The following SLITRK5 variants were observed in gnomAD, a reference collection of about 807,000 sequenced individuals.
The protein encoded by SLITRK5 is SLIT and NTRK-like protein 5.
A neutral mutation model predicts 56.2 loss-of-function variants in SLITRK5; 23 were observed. The ratio of observed to expected loss-of-function variants is 0.41; its 90% CI spans 0.29 to 0.58. The LOEUF (loss-of-function observed/expected upper bound fraction) is 0.58. SLITRK5 is among the 20% of genes least tolerant of loss of function. The pLI, the probability that SLITRK5 is intolerant of heterozygous loss-of-function variation, is 0.30. For missense variants in SLITRK5, 1,289 were observed against 1,226.6 expected (o/e 1.05, Z -0.76); for synonymous variants, 637 against 531.8 (o/e 1.20, Z -2.72).
rs1394439179 is a variant in SLITRK5 at position 87,672,202 on chromosome 13, T to C, written c.-16T>C. Among the ~76,000 whole-genome samples the C allele has an allele frequency of 6.6e-6, 1 of 151,826 alleles. No individual in the cohort carries two copies. Among genetic ancestry groups the C allele is most frequent in the Non-Finnish European group, 1.5e-5 (1 of 67,916 alleles). Reference sequence around the variant, plus strand: ...CGGAGAAAGTTGCCCCCTATGCAGATGGCAACTGTGAGTACCCCTGTGGGG... The same window carrying C: ...CGGAGAAAGTTGCCCCCTATGCAGACGGCAACTGTGAGTACCCCTGTGGGG... On this transcript the variant is annotated 5_prime_UTR_variant, in exon 1 of 2. An upstream start codon of the reference 5' UTR is lost. Coordinates refer to ENST00000683689, the MANE Select transcript of SLITRK5 (RefSeq NM_001384609.1).
chr13:87,675,238 G>A, intron 1 of SLITRK5, 143 bp from the exon 2 acceptor site: 4 of 614,966 alleles, frequency 6.5e-6, no homozygotes, highest in Non-Finnish European at 1.2e-5. Context: ...GAATGTCAAT[G>A]TTTCACTTGG....
intron 1 of SLITRK5, 35 bp from the exon 2 acceptor site, chr13:87,675,346 T>G: frequency 6.6e-7 from 1 of 1,512,938 alleles, no homozygotes; most frequent in Non-Finnish European, 9.1e-7. Context: ...TTTTGTCATA[T>G]TCTGTTATTT....
In SLITRK5 at chr13:87,676,708, G is replaced by T; in HGVS notation, c.1320G>T (p.Leu440=). Residue 440 remains leucine, a synonymous_variant, in exon 2 of 2, where the codon CTG becomes CTT. Transcript: ENST00000683689. The stretch of plus-strand genomic sequence containing the variant: ...CCACGGGGCTGGACCTCCTGCACCT[G>T]GGGAATAACCGCATCTCGATGATCC... ...LEATGLDLLH[L]GNNRISMIQD... The T allele has an allele frequency of 6.2e-7, 1 of 1,614,052 alleles. No individual in the cohort carries two copies.
intron 1 of SLITRK5, among the ~76,000 whole-genome samples, chr13:87,675,170 T>TA (rs1277324066): frequency 1.3e-5 from 2 of 152,154 alleles, no homozygotes; most frequent in Admixed American, 6.5e-5. Context: ...TGTGCTCATT[T>TA]AAAAAAATTA....
At chr13:87,672,479 T>C (rs1168991866) in intron 1 of SLITRK5, 1 of 122,756 alleles carries the variant, frequency 8.1e-6, no homozygotes, top group African/African-American at 3.1e-5. Context: ...GAGGCGCCTC[T>C]CCAGCCGGAC....
intron 1 of SLITRK5, among the ~76,000 whole-genome samples, chr13:87,673,949 T>A (rs1444512291): frequency 6.6e-6 from 1 of 151,950 alleles, no homozygotes; most frequent in East Asian, 1.9e-4. Context: ...GTCCAGCATT[T>A]CTATCAAATG....
intron 1 of SLITRK5, among the ~76,000 whole-genome samples, chr13:87,674,137 A>C (rs71442183): frequency 6.6e-6 from 1 of 151,344 alleles, no homozygotes; most frequent in African/African-American, 2.4e-5. Flanking sequence ...GAGAGCAAGA[A>C]AAAAAAGGGG....
chr13:87,675,063 A>G (rs1211886207), intron 1 of SLITRK5, among the ~76,000 whole-genome samples: 1 of 151,284 alleles, frequency 6.6e-6, no homozygotes, highest in Non-Finnish European at 1.5e-5. Flanking sequence ...TTTTATGTAT[A>G]TTTATGGATT....
rs1877230223 is a variant in SLITRK5 at position 87,675,476 on chromosome 13, G to A, written c.88G>A (p.Val30Ile). The A allele has an allele frequency of 6.2e-7, 1 of 1,614,082 alleles. No individual in the cohort carries two copies. Among genetic ancestry groups the A allele is most frequent in the Non-Finnish European group, 8.5e-7 (1 of 1,180,040 alleles). The change falls in exon 2 of 2, where the codon GTA becomes ATA. Residue 30 changes from valine to isoleucine, a missense_variant. By Grantham distance (29) the Val-to-Ile change is conservative. Around this residue, in one of 3 missense-constraint regions of SLITRK5, gnomAD observed 291 missense variants for 286.7 expected, o/e 1.02. Coordinates refer to ENST00000683689, the MANE Select transcript of SLITRK5 (RefSeq NM_001384609.1). The part of the protein sequence containing the change: ...SWMLQTLAFA[V>I]TSLVLSCAET... The stretch of plus-strand genomic sequence containing the variant: ...GATGCTGCAGACTCTAGCGTTTGCT[G>A]TAACATCTCTCGTCCTTTCGTGTGC...
chr13:87,672,238 A>T (rs1362710337), intron 1 of SLITRK5, among the ~76,000 whole-genome samples, 29 bp downstream of exon 1: 2 of 152,024 alleles, frequency 1.3e-5, no homozygotes, highest in Non-Finnish European at 2.9e-5. Context: ...GGGAGGGTGC[A>T]GCGAAGGCTG....
At chr13:87,675,195 C>T (rs1050576216) in intron 1 of SLITRK5, among the ~76,000 whole-genome samples, 186 bp from the exon 2 acceptor site, 2 of 152,020 alleles carry the variant, frequency 1.3e-5, no homozygotes, top group Non-Finnish European at 2.9e-5. Flanking sequence ...ACCTTTAAAT[C>T]AAAATGTATA....
chr13:87,673,481 TG>T, intron 1 of SLITRK5: 3 of 495,670 alleles, frequency 6.1e-6, no homozygotes, highest in Non-Finnish European at 9.1e-6. Flanking sequence ...GGGAGGTGAA[TG>T]GGGGCGGGGA....
chr13:87,674,255 C>T (rs1456153346), intron 1 of SLITRK5: 2 of 326,672 alleles, frequency 6.1e-6, no homozygotes, highest in South Asian at 1.2e-4. Flanking sequence ...TCTTAATCAG[C>T]CCAGGCGTCC....
rs1877261270 is a variant in SLITRK5, at chr13:87,676,064, A to G, written c.676A>G (p.Lys226Glu). 1.9e-6 allele frequency: 3 copies of G among 1,614,082 alleles called. No individual in the cohort carries two copies. Among genetic ancestry groups the G allele is most frequent in the Non-Finnish European group, 2.5e-6 (3 of 1,180,026 alleles). Residue 226 changes from lysine to glutamate, a missense_variant, in exon 2 of 2, where the codon AAA becomes GAA. Around this residue, in one of 3 missense-constraint regions of SLITRK5, gnomAD observed 291 missense variants for 286.7 expected, o/e 1.02. Transcript: ENST00000683689. ...CGTGGGGCTCTTGCAGCACATGGATAAAGTTGTGGAGCTACAGCTGGAGGA... is the reference window on the plus strand; with the variant it reads ...CGTGGGGCTCTTGCAGCACATGGATGAAGTTGTGGAGCTACAGCTGGAGGA... ...PYVGLLQHMD[K>E]VVELQLEENP... is the part of the protein sequence containing the mutation.
In SLITRK5 at chr13:87,678,051, C is replaced by T; in HGVS notation, c.2663C>T (p.Thr888Ile). 1.2e-6 allele frequency: 2 copies of T among 1,614,118 alleles called. No individual in the cohort carries two copies. The highest frequency in any genetic ancestry group is 1.7e-6 in the Non-Finnish European group (2 of 1,179,948). The change falls in exon 2 of 2, where the codon ACT (threonine) becomes ATT (isoleucine). Residue 888 changes from threonine to isoleucine, a missense_variant. Physicochemically the swap from Thr to Ile is moderately conservative, Grantham distance 89. Around this residue, in one of 3 missense-constraint regions of SLITRK5, gnomAD observed 985 missense variants for 906.0 expected, o/e 1.09. Transcript: ENST00000683689. ...PKFPCSPAAY[T>I]FSPNYDLRRP... is the part of the protein sequence containing the mutation. ...TTCCCGTGCAGCCCCGCTGCTTACA[C>T]TTTCTCCCCCAACTATGACCTGAGA...
Position 87,678,455 on chromosome 13 carries a change from AT to A in SLITRK5, c.*193del, listed in dbSNP as rs1274211908. On this transcript the variant is annotated 3_prime_UTR_variant, in exon 2 of 2. Coordinates refer to ENST00000683689, the MANE Select transcript of SLITRK5 (RefSeq NM_001384609.1). Reference sequence around the variant, plus strand: ...CCTTTAAAATTTACACGTGGGAAACATTTGTGTAAACTGGGCACATCACTTT... The same window carrying A: ...CCTTTAAAATTTACACGTGGGAAACATTGTGTAAACTGGGCACATCACTTT... The A allele has an allele frequency of 1.6e-6, 1 of 617,424 alleles. No individual in the cohort carries two copies. Among genetic ancestry groups the A allele is most frequent in the African/African-American group, 1.9e-5 (1 of 54,002 alleles). The allele number at this position is 617,424 out of a possible 1,614,324, so 38.2% of individuals were successfully genotyped here.
rs773737744 is a variant in SLITRK5 at position 87,678,036 on chromosome 13, G to A, written c.2648G>A (p.Ser883Asn). Reference sequence around the variant, plus strand: ...CCGGAATATCCCAAATTCCCGTGCAGCCCCGCTGCTTACACTTTCTCCCCC... The same window carrying A: ...CCGGAATATCCCAAATTCCCGTGCAACCCCGCTGCTTACACTTTCTCCCCC... The part of the protein sequence containing the change: ...SLPEYPKFPC[S>N]PAAYTFSPNY... The change falls in exon 2 of 2, where the codon AGC (serine) becomes AAC (asparagine). Residue 883 changes from serine (S) to asparagine (N), a missense_variant. Around this residue, in one of 3 missense-constraint regions of SLITRK5, gnomAD observed 985 missense variants for 906.0 expected, o/e 1.09. Coordinates refer to ENST00000683689, the MANE Select transcript of SLITRK5 (RefSeq NM_001384609.1). 3.3e-5 allele frequency: 54 copies of A among 1,613,998 alleles called. No homozygotes were observed. Among genetic ancestry groups the A allele is most frequent in the Non-Finnish European group, 8.5e-7 (1 of 1,179,974 alleles).
chr13:87,675,400 C>T lies in SLITRK5; in HGVS notation c.12C>T (p.Cys4=), dbSNP rs754060034. Residue 4 remains cysteine (C), a synonymous_variant, in exon 2 of 2, where the codon TGC becomes TGT. Transcript: ENST00000683689. MHT[C]CPPVTLEQDL... is the part of the protein sequence containing the mutation. ...TTACAGGAGGTAAAATGCACACTTGCTGCCCCCCAGTAACTTTGGAACAGG... is the reference window on the plus strand; with the variant it reads ...TTACAGGAGGTAAAATGCACACTTGTTGCCCCCCAGTAACTTTGGAACAGG... The T allele has an allele frequency of 1.2e-6, 2 of 1,613,584 alleles. No homozygotes were observed. Among genetic ancestry groups the T allele is most frequent in the Non-Finnish European group, 1.7e-6 (2 of 1,179,502 alleles).
At position 87,675,738 on chromosome 13, in the gene SLITRK5, TCCAGGACATTGAGACC is replaced by T; in HGVS notation, c.351_366del (p.Ile117MetfsTer10). 1 of 1,614,164 alleles carries T rather than the reference TCCAGGACATTGAGACC, an allele frequency of 6.2e-7. No homozygotes were observed. The highest frequency in any genetic ancestry group is 8.5e-7 in the Non-Finnish European group (1 of 1,180,030). On this transcript the variant is annotated frameshift_variant, in exon 2 of 2. Coordinates refer to ENST00000683689, the MANE Select transcript of SLITRK5 (RefSeq NM_001384609.1). LOFTEE classifies it high-confidence loss of function. ...ATTTTGCATCTAGGTAGCAATGTTATCCAGGACATTGAGACCGGGGCTTTCCATGGGCTACGGGGTT... is the reference window on the plus strand; with the variant it reads ...ATTTTGCATCTAGGTAGCAATGTTATGGGGCTTTCCATGGGCTACGGGGTT...
Sources: gnomAD v4.1 joint callset for allele counts (sites outside exome capture counted in the v4.1 genomes callset) on GRCh38, gnomAD v4.1.1 for gene constraint, gnomAD v4.1.1 regional missense constraint, MANE v1.5 for transcripts, NCBI Gene and HGNC (gene_info 2026-07-23, HGNC 2026-07-21) for gene names.